LRRC37A: variants seen among roughly 807,000 people sequenced by gnomAD.
LRRC37A encodes leucine-rich repeat-containing protein 37A.
A neutral mutation model predicts 35.4 loss-of-function variants in LRRC37A; 3 were observed. The observed-to-expected ratio is 0.08, with a 90% confidence interval of 0.04 to 0.22. The LOEUF is 0.22. Among genes scored for constraint, LRRC37A ranks in the 10% least tolerant of loss-of-function variants. LRRC37A has a pLI of 1.00. For missense variants in LRRC37A, 67 were observed against 565.3 expected (o/e 0.12, Z 8.94); for synonymous variants, 23 against 215.0 (o/e 0.11, Z 7.81).
At chr17:46,275,016 C>T in the LRRC37A span, 1 of 159,290 alleles carries the variant, frequency 6.3e-6, no homozygotes, top group Non-Finnish European at 1.4e-5. Flanking sequence ...CCTCAGCCTC[C>T]CAAGTAGCTG....
upstream of LRRC37A, among the ~76,000 whole-genome samples, chr17:46,290,672 C>G (rs1424114998): frequency 5.3e-5 from 8 of 152,224 alleles, no homozygotes; most frequent in Admixed American, 6.5e-5. Flanking sequence ...GTCTCGAACT[C>G]CTGACCTCAA....
At chr17:46,285,960 A>G in the LRRC37A span, among the ~76,000 whole-genome samples, 3 of 152,244 alleles carry the variant, frequency 2.0e-5, no homozygotes, top group African/African-American at 7.2e-5. Flanking sequence ...TGGTGTGAGC[A>G]CTGTCATGAC....
chr17:46,284,542 A>G, the LRRC37A span, among the ~76,000 whole-genome samples: 1 of 152,250 alleles, frequency 6.6e-6, no homozygotes, highest in African/African-American at 2.4e-5. Flanking sequence ...CTTTCTACAC[A>G]GACACAGCAA....
chr17:46,264,145 AC>A, the LRRC37A span, among the ~76,000 whole-genome samples: 2 of 138,036 alleles, frequency 1.4e-5, no homozygotes, highest in East Asian at 3.9e-4. Context: ...ACCTCAGCTG[AC>A]TTTTTTTTTT....
chr17:46,253,088 G>A, the LRRC37A span, among the ~76,000 whole-genome samples: 13 of 120,676 alleles, frequency 1.1e-4, 1 homozygote, highest in East Asian at 1.9e-4. Context: ...GTTGCCGGGC[G>A]GAGGGTCTCC....
chr17:46,263,325 G>C, the LRRC37A span, among the ~76,000 whole-genome samples: 1 of 151,840 alleles, frequency 6.6e-6, no homozygotes. Flanking sequence ...GCTGAGGTGG[G>C]CAGATTACTT....
chr17:46,271,649 C>T, the LRRC37A span, among the ~76,000 whole-genome samples: 3 of 152,278 alleles, frequency 2.0e-5, no homozygotes, highest in East Asian at 3.9e-4. Context: ...CTTTTATTTG[C>T]AGATCCCAGG....
chr17:46,314,436 G>C lies in LRRC37A; in HGVS notation c.2907-7886G>C, dbSNP rs2050958022. 2.5e-5 allele frequency among the ~76,000 whole-genome samples: 2 copies of C among 79,122 alleles called. 1 individual carries two copies. The highest frequency in any genetic ancestry group is 6.7e-5 in the African/African-American group (2 of 29,910). 51.9% of individuals were successfully genotyped at this position (79,122 alleles called of 152,430 possible). A position where few individuals can be genotyped will look rare whatever the true frequency, so the allele number is the denominator to read the frequency against. On this transcript the variant is annotated intron_variant, in intron 5 of 13. Transcript: ENST00000320254. ...GTAGGGGGTCCACCTTCATTATTTTGCACATAGATGTTCAGGTGACGCCAT... is the reference window on the plus strand; with the variant it reads ...GTAGGGGGTCCACCTTCATTATTTTCCACATAGATGTTCAGGTGACGCCAT...
At chr17:46,275,246 G>A in the LRRC37A span, 1 of 468,980 alleles carries the variant, frequency 2.1e-6, no homozygotes, top group Non-Finnish European at 3.6e-6. Flanking sequence ...TAATTGGACT[G>A]TTATGACCAA....
the LRRC37A span, among the ~76,000 whole-genome samples, chr17:46,269,304 C>T: frequency 0.11 from 15,834 of 144,322 alleles, 1 homozygote; most frequent in Middle Eastern, 0.18. Flanking sequence ...GAGGCCGAGG[C>T]GGGTGGATCA....
chr17:46,292,455 GA>G (rs776302920), upstream of LRRC37A, among the ~76,000 whole-genome samples: 3 of 81,076 alleles, frequency 3.7e-5, 1 homozygote, highest in Non-Finnish European at 1.1e-4. Flanking sequence ...AGGAAAATGT[GA>G]AACTCTGAAA....
chr17:46,250,647 C>T, the LRRC37A span, among the ~76,000 whole-genome samples: 9 of 152,344 alleles, frequency 5.9e-5, no homozygotes, highest in Middle Eastern at 3.4e-3. Context: ...GCTCCTCAGC[C>T]TGCAGACGGC....
At chr17:46,267,723 A>G in the LRRC37A span, among the ~76,000 whole-genome samples, 1 of 152,084 alleles carries the variant, frequency 6.6e-6, no homozygotes, top group African/African-American at 2.4e-5. Context: ...ACGGGTGAGA[A>G]CGGCAGCTGT....
chr17:46,261,054 CA>C, the LRRC37A span, among the ~76,000 whole-genome samples: 7 of 151,990 alleles, frequency 4.6e-5, no homozygotes, highest in Non-Finnish European at 7.4e-5. Context: ...TTTGGGGAAT[CA>C]GGGGGAAAGG....
chr17:46,268,245 C>T, the LRRC37A span, among the ~76,000 whole-genome samples: 2 of 152,238 alleles, frequency 1.3e-5, no homozygotes, highest in Non-Finnish European at 2.9e-5. Flanking sequence ...TCTCAAACTC[C>T]TGACCTCAAG....
the LRRC37A span, chr17:46,267,278 G>A: frequency 1.1e-5 from 12 of 1,118,236 alleles, no homozygotes; most frequent in African/African-American, 8.6e-5. Flanking sequence ...AACGCCCAGG[G>A]ACTGGGAGAG....
the LRRC37A span, among the ~76,000 whole-genome samples, chr17:46,248,724 T>G: frequency 6.6e-6 from 1 of 152,036 alleles, no homozygotes; most frequent in Non-Finnish European, 1.5e-5. Context: ...TTCACCATGT[T>G]GGCCAGGCTG....
At chr17:46,269,191 G>T in the LRRC37A span, among the ~76,000 whole-genome samples, 1 of 152,176 alleles carries the variant, frequency 6.6e-6, no homozygotes, top group Non-Finnish European at 1.5e-5. Context: ...ACGTCATTTA[G>T]ATCAAACACA....
At chr17:46,267,642 A>G in the LRRC37A span, 1 of 1,382,672 alleles carries the variant, frequency 7.2e-7, no homozygotes, top group Non-Finnish European at 1.0e-6. Context: ...ACAGTATTGT[A>G]ACATGATTAG....
Sources: gnomAD v4.1 joint callset for allele counts (sites outside exome capture counted in the v4.1 genomes callset) on GRCh38, gnomAD v4.1.1 for gene constraint, MANE v1.5 for transcripts, NCBI Gene and HGNC (gene_info 2026-07-23, HGNC 2026-07-21) for gene names.